THSD7A: variants seen among roughly 807,000 people sequenced by gnomAD.
The protein encoded by THSD7A is thrombospondin type 1 domain containing 7A, also known as thrombospondin type-1 domain-containing protein 7A.
A neutral mutation model predicts 231.3 loss-of-function variants in THSD7A; 96 were observed. The observed-to-expected ratio is 0.41, with a 90% CI of 0.35 to 0.49. The LOEUF (loss-of-function observed/expected upper bound fraction) is 0.49, where lower values mean the gene tolerates loss of function less well. Ranked by LOEUF, THSD7A falls within the 20% of genes least tolerant of loss-of-function variation. The pLI is 0.05. For missense variants in THSD7A, 2,290 were observed against 2,070.2 expected (o/e 1.11, Z -2.06); for synonymous variants, 940 against 743.3 (o/e 1.26, Z -4.30).
At chr7:11,430,174 A>G (rs1388795911) in intron 13 of THSD7A, among the ~76,000 whole-genome samples, 2 of 152,210 alleles carry the variant, frequency 1.3e-5, no homozygotes, top group Admixed American at 6.5e-5. Context: ...TAAACAATTG[A>G]TACTAGGCAA....
In THSD7A at chr7:11,541,605, T is replaced by C. The variant is rs751533527; in HGVS notation, c.1636A>G (p.Thr546Ala). Residue 546 changes from threonine to alanine, a missense_variant, in exon 6 of 28, where the codon ACC becomes GCC. Coordinates refer to ENST00000423059, the MANE Select transcript of THSD7A (RefSeq NM_015204.3). ...KGFKLRKRRI[T>A]NEPTGGSGVT... is the part of the protein sequence containing the mutation. ...CCAGAGCCTCCAGTGGGCTCATTGG[T>C]AATGCGCCGCTTCCTCAGTTTGAAG... The C allele has an allele frequency of 6.2e-7, 1 of 1,613,874 alleles. No homozygotes were observed. Among genetic ancestry groups the C allele is most frequent in the Admixed American group, 1.7e-5 (1 of 59,990 alleles).
intron 1 of THSD7A, among the ~76,000 whole-genome samples, chr7:11,706,183 T>C (rs1398827306): frequency 6.6e-6 from 1 of 151,008 alleles, no homozygotes; most frequent in Non-Finnish European, 1.5e-5. Context: ...TAATATGTGC[T>C]GCTACAAAGG....
At chr7:11,571,934 T>A (rs1220635298) in intron 4 of THSD7A, among the ~76,000 whole-genome samples, 3 of 152,170 alleles carry the variant, frequency 2.0e-5, no homozygotes, top group African/African-American at 7.2e-5. Flanking sequence ...GATCTTTAAG[T>A]TGATGTTTTT....
chr7:11,799,576 A>G (rs1176014926), intron 1 of THSD7A, among the ~76,000 whole-genome samples: 1 of 152,170 alleles, frequency 6.6e-6, no homozygotes, highest in Non-Finnish European at 1.5e-5. Context: ...TTCTTAAATA[A>G]ATATGCCTAT....
intron 2 of THSD7A, among the ~76,000 whole-genome samples, chr7:11,633,898 C>G (rs1474626084): frequency 6.6e-6 from 1 of 152,004 alleles, no homozygotes. Flanking sequence ...TATTTTTATT[C>G]TCCTACATGG....
At chr7:11,503,553 T>A (rs2128311013) in intron 6 of THSD7A, among the ~76,000 whole-genome samples, 1 of 152,254 alleles carries the variant, frequency 6.6e-6, no homozygotes, top group South Asian at 2.1e-4. Flanking sequence ...ATTTGCAAAC[T>A]ATGCATCTGA....
intron 1 of THSD7A, among the ~76,000 whole-genome samples, chr7:11,735,273 C>A (rs1781877372): frequency 6.7e-6 from 1 of 150,050 alleles, no homozygotes; most frequent in African/African-American, 2.5e-5. Context: ...AACATTTTAC[C>A]CGTATATTAA....
chr7:11,523,907 G>C (rs1284958201), intron 6 of THSD7A, among the ~76,000 whole-genome samples: 1 of 151,674 alleles, frequency 6.6e-6, no homozygotes, highest in Non-Finnish European at 1.5e-5. Flanking sequence ...TCCACATTTG[G>C]GATATGGTTC....
At chr7:11,595,273 C>T (rs772452060) in intron 2 of THSD7A, among the ~76,000 whole-genome samples, 15 of 152,234 alleles carry the variant, frequency 9.9e-5, no homozygotes, top group South Asian at 4.2e-4. Context: ...AGGTGTGCTA[C>T]ACTTGAGAAC....
At chr7:11,426,614 A>G in intron 15 of THSD7A, 52 bp downstream of exon 15, 1 of 1,506,840 alleles carries the variant, frequency 6.6e-7, no homozygotes. Flanking sequence ...AAATCAGGAA[A>G]TTTAAGAAAA....
intron 2 of THSD7A, among the ~76,000 whole-genome samples, chr7:11,633,900 C>T (rs934457513): frequency 6.6e-6 from 1 of 152,044 alleles, no homozygotes; most frequent in Non-Finnish European, 1.5e-5. Context: ...TTTTTATTCT[C>T]CTACATGGTA....
At position 11,417,560 on chromosome 7, in the gene THSD7A, C is replaced by T; in HGVS notation, c.3427G>A (p.Asp1143Asn). The T allele has an allele frequency of 1.2e-6, 2 of 1,613,312 alleles. No individual in the cohort carries two copies. The highest frequency in any genetic ancestry group is 1.7e-6 in the Non-Finnish European group (2 of 1,179,676). The stretch of plus-strand genomic sequence containing the variant: ...ATCTCTTCTGGGTCACAGAGGTAAT[C>T]CTCTACATGTTCAGAAGGGCCATCT... The part of the protein sequence containing the change: ...TADGPSEHVE[D>N]YLCDPEEMPL... The change falls in exon 17 of 28, where the codon GAT becomes AAT. Residue 1143 changes from aspartate (D) to asparagine (N), a missense_variant. Physicochemically the swap from Asp to Asn is conservative, Grantham distance 23. Transcript: ENST00000423059.
chr7:11,581,510 T>C (rs1210217158), intron 4 of THSD7A, among the ~76,000 whole-genome samples: 3 of 151,962 alleles, frequency 2.0e-5, no homozygotes, highest in Non-Finnish European at 4.4e-5. Context: ...TGGGAAAAAC[T>C]AGAATGATAA....
At chr7:11,472,470 G>A (rs35721763) in intron 8 of THSD7A, among the ~76,000 whole-genome samples, 3,033 of 152,182 alleles carry the variant, frequency 0.02, 43 homozygotes, top group Non-Finnish European at 0.033. Context: ...AGGGAGAAAG[G>A]CAATAATATT....
intron 1 of THSD7A, among the ~76,000 whole-genome samples, chr7:11,733,131 C>A (rs964471918): frequency 2.0e-5 from 3 of 151,918 alleles, no homozygotes; most frequent in African/African-American, 7.2e-5. Flanking sequence ...ACAGTGATTT[C>A]TTTCCTCTGC....
intron 1 of THSD7A, among the ~76,000 whole-genome samples, chr7:11,800,995 C>A (rs1335559697): frequency 1.3e-5 from 2 of 152,000 alleles, no homozygotes; most frequent in East Asian, 3.9e-4. Flanking sequence ...ACATATATGT[C>A]CAAACTCATT....
At chr7:11,554,920 C>T (rs1169677542) in intron 4 of THSD7A, among the ~76,000 whole-genome samples, 2 of 151,854 alleles carry the variant, frequency 1.3e-5, no homozygotes, top group African/African-American at 2.4e-5. Flanking sequence ...CATGGCTATC[C>T]TTTTGATGTC....
chr7:11,597,365 C>T (rs1301612923), intron 2 of THSD7A, among the ~76,000 whole-genome samples: 2 of 152,144 alleles, frequency 1.3e-5, no homozygotes, highest in East Asian at 3.9e-4. Flanking sequence ...TTAGTCTGGC[C>T]CATATACCGA....
intron 6 of THSD7A, among the ~76,000 whole-genome samples, chr7:11,500,711 G>A (rs369661234): frequency 1.4e-4 from 22 of 152,150 alleles, no homozygotes; most frequent in Admixed American, 5.2e-4. Flanking sequence ...GGGCCAAGGC[G>A]GGTGGATCAC....
Sources: allele counts gnomAD v4.1 joint callset (sites outside exome capture counted in the v4.1 genomes callset), GRCh38; gene constraint gnomAD v4.1.1; transcripts MANE v1.5; gene names NCBI Gene and HGNC (gene_info 2026-07-23, HGNC 2026-07-21).